Variants in LRMDA observed in about 807,000 individuals in gnomAD.
LRMDA encodes the protein leucine rich melanocyte differentiation associated, also known as leucine-rich melanocyte differentiation-associated protein.
LRMDA carries 18 observed loss-of-function variants against 29.8 expected under a neutral mutation model. That is an observed-to-expected ratio of 0.60 (90% confidence interval 0.42 to 0.90). The LOEUF (loss-of-function observed/expected upper bound fraction) is 0.90, where lower values mean the gene tolerates loss of function less well. LRMDA is among the 40% of genes least tolerant of loss of function. The probability of loss-of-function intolerance (pLI) is 0.00; values close to 1 mark genes in which losing one functional copy is unlikely to be tolerated. For synonymous variants in LRMDA, 125 were observed against 109.4 expected (o/e 1.14, Z -0.89); for missense variants, 273 against 273.9 (o/e 1.00, Z 0.02).
At chr10:75,559,358 T>C (rs1334397411) in intron 2 of LRMDA, among the ~76,000 whole-genome samples, 120 of 150,958 alleles carry the variant, frequency 7.9e-4, no homozygotes, top group African/African-American at 2.7e-3. Flanking sequence ...TCATGTCCTT[T>C]GCCCACTTTT....
chr10:76,394,944 A>T (rs887916325), intron 6 of LRMDA, among the ~76,000 whole-genome samples: 3 of 152,182 alleles, frequency 2.0e-5, no homozygotes, highest in Non-Finnish European at 2.9e-5. Flanking sequence ...AAATCAAAAC[A>T]GCAAAAGAGA....
chr10:76,192,682 AAAT>A (rs1851266849), intron 5 of LRMDA, among the ~76,000 whole-genome samples: 1 of 152,204 alleles, frequency 6.6e-6, no homozygotes, highest in Non-Finnish European at 1.5e-5. Context: ...AAACTGTCAT[AAAT>A]TAAGACATCC....
intron 2 of LRMDA, among the ~76,000 whole-genome samples, chr10:75,550,101 C>T (rs537098431): frequency 1.1e-4 from 16 of 152,256 alleles, no homozygotes; most frequent in Non-Finnish European, 2.1e-4. Context: ...CAGCTATAAA[C>T]ATTTGCTCAG....
chr10:76,348,526 A>T (rs1841136730), intron 6 of LRMDA, among the ~76,000 whole-genome samples: 1 of 152,228 alleles, frequency 6.6e-6, no homozygotes, highest in South Asian at 2.1e-4. Context: ...GCATGTAAAC[A>T]TGTGAAGACG....
intron 2 of LRMDA, among the ~76,000 whole-genome samples, chr10:76,008,995 G>T (rs967840392): frequency 6.6e-6 from 1 of 152,188 alleles, no homozygotes; most frequent in African/African-American, 2.4e-5. Context: ...CACACATACT[G>T]CAGGGAGCAG....
intron 2 of LRMDA, among the ~76,000 whole-genome samples, chr10:75,452,391 G>A (rs1478006412): frequency 6.6e-6 from 1 of 152,120 alleles, no homozygotes; most frequent in African/African-American, 2.4e-5. Flanking sequence ...GAAACTGCAT[G>A]TTTTGAGACT....
intron 1 of LRMDA, among the ~76,000 whole-genome samples, chr10:75,433,839 G>T (rs571744467): frequency 2.8e-4 from 43 of 150,942 alleles, no homozygotes; most frequent in African/African-American, 1.0e-3. Context: ...TAAGTGCAAA[G>T]AAAAAAAAAC....
At chr10:75,518,796 G>C (rs1310567785) in intron 2 of LRMDA, among the ~76,000 whole-genome samples, 2 of 151,960 alleles carry the variant, frequency 1.3e-5, no homozygotes, top group Admixed American at 1.3e-4. Flanking sequence ...GTGATGTTAG[G>C]GTGTCGATTT....
chr10:76,384,919 C>T (rs769329885), intron 6 of LRMDA, among the ~76,000 whole-genome samples: 10 of 152,094 alleles, frequency 6.6e-5, no homozygotes, highest in East Asian at 5.8e-4. Flanking sequence ...TGATTGGTGT[C>T]GAAATTGGGT....
At chr10:76,447,581 C>T (rs997181303) in intron 6 of LRMDA, among the ~76,000 whole-genome samples, 2 of 152,090 alleles carry the variant, frequency 1.3e-5, no homozygotes, top group Non-Finnish European at 2.9e-5. Flanking sequence ...ACTAGGATTC[C>T]TGTCTCATAG....
chr10:75,555,862 T>C (rs1340428033), intron 2 of LRMDA, among the ~76,000 whole-genome samples: 2 of 152,046 alleles, frequency 1.3e-5, no homozygotes, highest in Admixed American at 1.3e-4. Context: ...TAGGGAAAGA[T>C]TGGAAATCCC....
intron 2 of LRMDA, among the ~76,000 whole-genome samples, chr10:75,868,854 C>G (rs971461077): frequency 6.6e-6 from 1 of 152,188 alleles, no homozygotes; most frequent in Non-Finnish European, 1.5e-5. Context: ...CACCAGGGTC[C>G]TTAACACATG....
chr10:75,882,615 C>T (rs1845313282), intron 2 of LRMDA: 1 of 152,200 alleles, frequency 6.6e-6, no homozygotes, highest in Admixed American at 6.5e-5. Context: ...GAGGTGACAT[C>T]CAGCTCTCAG....
At chr10:76,136,400 A>T (rs901378917) in intron 5 of LRMDA, among the ~76,000 whole-genome samples, 2 of 152,136 alleles carry the variant, frequency 1.3e-5, no homozygotes, top group Non-Finnish European at 2.9e-5. Context: ...CTTGGGGAAA[A>T]AATTCCCCAT....
chr10:75,658,564 A>G lies in LRMDA; in HGVS notation c.131+220070A>G, dbSNP rs561432437. Among the ~76,000 whole-genome samples the G allele has an allele frequency of 2.0e-5, 3 of 152,304 alleles. No individual in the cohort carries two copies. The South Asian group carries it at 6.2e-4, about 32-fold the overall frequency. On this transcript the variant is annotated intron_variant, in intron 2 of 6. Transcript: ENST00000611255. Reference sequence around the variant, plus strand: ...GTCAGTCCCCCATGGACAATTCCCAAAGCACATTTGCATCTAAGAGGGACT... The same window carrying G: ...GTCAGTCCCCCATGGACAATTCCCAGAGCACATTTGCATCTAAGAGGGACT...
chr10:75,821,653 C>T (rs1465784740), intron 2 of LRMDA, among the ~76,000 whole-genome samples: 1 of 152,008 alleles, frequency 6.6e-6, no homozygotes, highest in Non-Finnish European at 1.5e-5. Flanking sequence ...CCTGTAGTCC[C>T]AGCTACTCAG....
At chr10:76,475,269 C>T (rs1842655845) in intron 6 of LRMDA, among the ~76,000 whole-genome samples, 1 of 151,680 alleles carries the variant, frequency 6.6e-6, no homozygotes, top group Non-Finnish European at 1.5e-5. Context: ...GATGATTGCA[C>T]AATTCTGTGA....
intron 5 of LRMDA, among the ~76,000 whole-genome samples, chr10:76,193,718 C>T (rs1180654909): frequency 2.6e-5 from 4 of 152,006 alleles, no homozygotes; most frequent in East Asian, 1.9e-4. Flanking sequence ...TTGCTGTCTG[C>T]AATGTGCCAG....
chr10:75,849,892 G>C (rs1018870755), intron 2 of LRMDA, among the ~76,000 whole-genome samples: 2 of 152,208 alleles, frequency 1.3e-5, no homozygotes, highest in African/African-American at 4.8e-5. Flanking sequence ...TTAGTTGTCT[G>C]CTGGGTCTGT....
Sources: gnomAD v4.1 joint callset for allele counts (sites outside exome capture counted in the v4.1 genomes callset) on GRCh38, gnomAD v4.1.1 for gene constraint, MANE v1.5 for transcripts, NCBI Gene and HGNC (gene_info 2026-07-23, HGNC 2026-07-21) for gene names.